The following CNTRL variants were observed in gnomAD, a reference collection of about 807,000 sequenced individuals.
CNTRL encodes 110 kDa centrosomal protein.
A neutral mutation model predicts 303.7 loss-of-function variants in CNTRL; 233 were observed. The observed-to-expected ratio is 0.77, with a 90% CI of 0.69 to 0.86. The LOEUF is 0.86. Ranked by LOEUF, CNTRL falls within the 40% of genes least tolerant of loss-of-function variation. The pLI is 0.00. For missense variants in CNTRL, 2,524 were observed against 2,650.6 expected (o/e 0.95, Z 1.05); for synonymous variants, 900 against 922.2 (o/e 0.98, Z 0.44).
chr9:121,169,060 A>G (rs1351734080), intron 38 of CNTRL, among the ~76,000 whole-genome samples: 1 of 152,234 alleles, frequency 6.6e-6, no homozygotes, highest in Non-Finnish European at 1.5e-5. Context: ...AATATTTTTT[A>G]AATGTCACTT....
chr9:121,090,157 CT>C (rs1278091639), intron 3 of CNTRL, 117 bp from the exon 4 acceptor site: 13 of 636,716 alleles, frequency 2.0e-5, no homozygotes, highest in East Asian at 4.7e-5. Flanking sequence ...AAATAGCCAG[CT>C]TTTTTGGTAT....
intron 5 of CNTRL, among the ~76,000 whole-genome samples, chr9:121,095,872 G>A (rs1320539921): frequency 6.6e-6 from 1 of 152,158 alleles, no homozygotes; most frequent in Non-Finnish European, 1.5e-5. Context: ...AATTAGAAGT[G>A]ACTTGGGAAA....
At chr9:121,166,499 C>T (rs1443982075) in intron 36 of CNTRL, among the ~76,000 whole-genome samples, 1 of 152,166 alleles carries the variant, frequency 6.6e-6, no homozygotes, top group African/African-American at 2.4e-5. Context: ...ATCTCTCATC[C>T]ATGACACAGA....
At chr9:121,128,284 C>T (rs1199311016) in intron 14 of CNTRL, among the ~76,000 whole-genome samples, 2 of 152,220 alleles carry the variant, frequency 1.3e-5, no homozygotes, top group African/African-American at 4.8e-5. Context: ...ATTCCTGTTT[C>T]TCCACATCCT....
intron 4 of CNTRL, among the ~76,000 whole-genome samples, chr9:121,093,646 G>A (rs898255856): frequency 1.3e-5 from 2 of 152,192 alleles, no homozygotes; most frequent in Non-Finnish European, 2.9e-5. Context: ...TTTAGTCCTA[G>A]GTGATTTATA....
chr9:121,087,489 G>A (rs752355353), intron 2 of CNTRL, among the ~76,000 whole-genome samples: 6 of 152,046 alleles, frequency 3.9e-5, no homozygotes, highest in African/African-American at 7.2e-5. Context: ...TCAGGAGTTC[G>A]AGATCAGCCT....
At position 121,159,011 on chromosome 9, in the gene CNTRL, C is replaced by A; in HGVS notation, c.4921C>A (p.His1641Asn). ...GACTGAAGTAACTGAGAAGTGCAAT[C>A]ACATTAGGGTGTGTTTTTTATTAGG... ...GETEVTEKCNHIREVKSLLEE... is the reference protein window; with the variant it reads ...GETEVTEKCNNIREVKSLLEE... Residue 1641 changes from histidine (H) to asparagine (N), a missense_variant, in exon 31 of 44, where the codon CAC becomes AAC. Physicochemically the swap from His to Asn is moderately conservative, Grantham distance 68. Coordinates refer to ENST00000373855, the MANE Select transcript of CNTRL (RefSeq NM_007018.6). The A allele has an allele frequency of 1.2e-6, 2 of 1,613,890 alleles. No individual in the cohort carries two copies. The highest frequency in any genetic ancestry group is 2.2e-5 in the South Asian group (2 of 91,062).
rs1564314835 is a variant in CNTRL at position 121,177,431 on chromosome 9, T to A, written c.*245T>A. 1.3e-5 allele frequency: 5 copies of A among 395,430 alleles called. No homozygotes were observed. The highest frequency in any genetic ancestry group is 7.6e-5 in the East Asian group (2 of 26,270). The allele number at this position is 395,430 out of a possible 1,614,324, so 24.5% of individuals were successfully genotyped here. ...ACATGTGGCTGAGCCTTTTTTTTTT[T>A]AATCTTCGTAACATGTTTAAAAAAA... is the stretch of plus-strand genomic sequence containing the variant. On this transcript the variant is annotated 3_prime_UTR_variant, in exon 44 of 44. Coordinates refer to ENST00000373855, the MANE Select transcript of CNTRL (RefSeq NM_007018.6).
chr9:121,121,986 T>A, intron 12 of CNTRL: 1 of 930,026 alleles, frequency 1.1e-6, no homozygotes, highest in Non-Finnish European at 1.3e-6. Context: ...ACAAAGGACT[T>A]AAAAGGAGGA....
chr9:121,157,871 T>A lies in CNTRL; in HGVS notation c.4628T>A (p.Leu1543Gln). The change falls in exon 29 of 44, where the codon CTG becomes CAG. Residue 1543 changes from leucine to glutamine, a missense_variant. Transcript: ENST00000373855. The part of the protein sequence containing the change: ...FQCLSKKKEK[L>Q]TEELQKLQKD... ...TGTTTAAGCAAGAAGAAGGAAAAAC[T>A]GACAGAAGAGTAAGTAAGGCCTCTG... is the stretch of plus-strand genomic sequence containing the variant. 6.2e-7 allele frequency: 1 copy of A among 1,614,032 alleles called. No homozygotes were observed. Among genetic ancestry groups the A allele is most frequent in the South Asian group, 1.1e-5 (1 of 91,086 alleles).
At chr9:121,172,764 C>T (rs1187107748) in intron 40 of CNTRL, among the ~76,000 whole-genome samples, 1 of 152,198 alleles carries the variant, frequency 6.6e-6, no homozygotes, top group African/African-American at 2.4e-5. Context: ...TGGCCCTTTT[C>T]TCATTTGTGG....
intron 6 of CNTRL, among the ~76,000 whole-genome samples, chr9:121,096,915 G>A (rs547618712): frequency 6.6e-6 from 1 of 151,668 alleles, no homozygotes; most frequent in East Asian, 1.9e-4. Context: ...CTTATCTAGA[G>A]TCACATTTTG....
intron 4 of CNTRL, among the ~76,000 whole-genome samples, chr9:121,093,775 A>G (rs2048764599): frequency 6.6e-6 from 1 of 152,322 alleles, no homozygotes; most frequent in South Asian, 2.1e-4. Context: ...TGTAATGAAT[A>G]TATGTTGGAA....
rs1207324354 is a variant in CNTRL, at chr9:121,152,520, G to A, written c.3999G>A (p.Gln1333=). The change falls in exon 26 of 44, where the codon CAG becomes CAA. Residue 1333 remains glutamine (Q), a synonymous_variant. Coordinates refer to ENST00000373855, the MANE Select transcript of CNTRL (RefSeq NM_007018.6). ...NEVSRLEDIM[Q]HLKSKKREER... ...TTTCTAGATTAGAAGACATAATGCA[G>A]CATTTAAAATCAAAGAAGCGGGAAG... The A allele has an allele frequency of 1.2e-6, 2 of 1,614,006 alleles. No individual in the cohort carries two copies. The highest frequency in any genetic ancestry group is 1.3e-5 in the African/African-American group (1 of 75,012).
Position 121,144,836 on chromosome 9 carries a change from C to T in CNTRL, c.3052-7C>T, listed in dbSNP as rs950352215. On this transcript the variant is annotated splice_region_variant and splice_polypyrimidine_tract_variant and intron_variant, in intron 20 of 43. Coordinates refer to ENST00000373855, the MANE Select transcript of CNTRL (RefSeq NM_007018.6). The stretch of plus-strand genomic sequence containing the variant: ...GTGGTGCCTTTCTCATACTTCTGTC[C>T]CAGTAGGAGTTGCAGGAAGCAGAGA... 1 of 1,606,978 alleles carries T rather than the reference C, an allele frequency of 6.2e-7. No homozygotes were observed. Among genetic ancestry groups the T allele is most frequent in the Non-Finnish European group, 8.5e-7 (1 of 1,174,618 alleles).
At chr9:121,118,279 G>C in intron 11 of CNTRL, 67 bp from the exon 12 acceptor site, 2 of 1,212,518 alleles carry the variant, frequency 1.6e-6, no homozygotes, top group Non-Finnish European at 2.2e-6. Flanking sequence ...TAAAATTATA[G>C]ACATTGTCTT....
intron 11 of CNTRL, among the ~76,000 whole-genome samples, chr9:121,115,988 G>A (rs2049957264): frequency 6.6e-6 from 1 of 151,866 alleles, no homozygotes; most frequent in South Asian, 2.1e-4. Flanking sequence ...GAACAAAATA[G>A]ACATGTGTCC....
chr9:121,099,367 C>T (rs1419442140), intron 7 of CNTRL, among the ~76,000 whole-genome samples: 1 of 152,162 alleles, frequency 6.6e-6, no homozygotes, highest in Admixed American at 6.5e-5. Context: ...AACTAACAAA[C>T]AGAAAGGATA....
At chr9:121,101,093 A>T (rs550097247) in intron 7 of CNTRL, among the ~76,000 whole-genome samples, 33 of 152,370 alleles carry the variant, frequency 2.2e-4, no homozygotes, top group Non-Finnish European at 4.1e-4. Context: ...TCAACAGAAC[A>T]TACATTCTTC....
Sources: allele counts gnomAD v4.1 joint callset (sites outside exome capture counted in the v4.1 genomes callset), GRCh38; gene constraint gnomAD v4.1.1; transcripts MANE v1.5; gene names NCBI Gene and HGNC (gene_info 2026-07-23, HGNC 2026-07-21).